The following UGT2B15 variants were observed in gnomAD, a reference collection of about 807,000 sequenced individuals.
The protein encoded by UGT2B15 is UDP glucuronosyltransferase family 2 member B15.
Under a neutral mutation model 45.9 loss-of-function variants are expected in UGT2B15, and 36 were observed. The observed-to-expected ratio is 0.78, with a 90% CI of 0.60 to 1.04. UGT2B15 has a LOEUF of 1.04. UGT2B15 is among the 50% of genes least tolerant of loss of function. The pLI, the probability that UGT2B15 is intolerant of heterozygous loss-of-function variation, is 0.00. For synonymous variants in UGT2B15, 219 were observed against 216.4 expected, an observed-to-expected ratio of 1.01 and a Z score of -0.11; for missense variants, 617 against 622.4, an observed-to-expected ratio of 0.99 and a Z score of 0.09.
chr4:68,655,997 G>A (rs1234477253), intron 3 of UGT2B15, among the ~76,000 whole-genome samples: 1 of 152,020 alleles, frequency 6.6e-6, no homozygotes, highest in African/African-American at 2.4e-5. Flanking sequence ...TAAATTTATG[G>A]CTCAAACAAA....
At chr4:68,651,970 G>A (rs936028399) in intron 5 of UGT2B15, among the ~76,000 whole-genome samples, 4 of 152,030 alleles carry the variant, frequency 2.6e-5, no homozygotes, top group African/African-American at 9.7e-5. Flanking sequence ...GGGCAGCATG[G>A]CCATTTTTAC....
At chr4:68,657,221 G>T (rs1414315863) in intron 3 of UGT2B15, among the ~76,000 whole-genome samples, 1 of 152,142 alleles carries the variant, frequency 6.6e-6, no homozygotes, top group Non-Finnish European at 1.5e-5. Flanking sequence ...AGCAACTGGG[G>T]GCCTTGTGGG....
chr4:68,648,018 A>G (rs1732533855), intron 5 of UGT2B15, among the ~76,000 whole-genome samples: 1 of 152,052 alleles, frequency 6.6e-6, no homozygotes, highest in South Asian at 2.1e-4. Context: ...CACTGTGCCC[A>G]GCCCATTTTG....
At chr4:68,661,684 A>G (rs1334507937) in intron 3 of UGT2B15, among the ~76,000 whole-genome samples, 1 of 152,124 alleles carries the variant, frequency 6.6e-6, no homozygotes, top group Non-Finnish European at 1.5e-5. Context: ...TAGTATGTGT[A>G]ATTTCTTTTC....
In UGT2B15 at chr4:68,670,514, A is replaced by G. The variant is rs751022234; in HGVS notation, c.105T>C (p.His35=). The change falls in exon 1 of 6, where the codon CAT becomes CAC. Residue 35 remains histidine, a synonymous_variant. Transcript: ENST00000338206. ...CCAGGATTGTCTTCATATTTATCCA[A>G]TGGCTGTATTCTGTGGGCCACACTA... ...KVLVWPTEYS[H]WINMKTILEE... is the part of the protein sequence containing the mutation. 66 of 1,613,952 alleles carry G rather than the reference A, an allele frequency of 4.1e-5. No homozygotes were observed. The highest frequency in any genetic ancestry group is 5.3e-5 in the African/African-American group (4 of 75,010).
chr4:68,663,169 A>T (rs1733015867), intron 2 of UGT2B15, 30 bp from the exon 3 acceptor site: 5 of 1,578,254 alleles, frequency 3.2e-6, no homozygotes, highest in Non-Finnish European at 4.3e-6. Flanking sequence ...TCTATCAGAA[A>T]AGAGCAACAG....
At chr4:68,651,737 C>A (rs1228744927) in intron 5 of UGT2B15, among the ~76,000 whole-genome samples, 1 of 152,064 alleles carries the variant, frequency 6.6e-6, no homozygotes, top group African/African-American at 2.4e-5. Context: ...GTCTATATAT[C>A]TGTTTGGTAC....
At chr4:68,660,226 C>T (rs1270450240) in intron 3 of UGT2B15, among the ~76,000 whole-genome samples, 2 of 150,860 alleles carry the variant, frequency 1.3e-5, no homozygotes, top group East Asian at 3.9e-4. Flanking sequence ...ACTTATGGAG[C>T]CAATAAAACC....
Position 68,670,526 on chromosome 4 carries a change from T to C in UGT2B15, c.93A>G (p.Thr31=). Residue 31 remains threonine, a synonymous_variant, in exon 1 of 6, where the codon ACA becomes ACG. Transcript: ENST00000338206. The part of the protein sequence containing the change: ...GSCGKVLVWP[T]EYSHWINMKT... ...TCATATTTATCCAATGGCTGTATTCTGTGGGCCACACTAGCACCTTTCCAC... is the reference window on the plus strand; with the variant it reads ...TCATATTTATCCAATGGCTGTATTCCGTGGGCCACACTAGCACCTTTCCAC... 5.0e-6 allele frequency: 8 copies of C among 1,613,752 alleles called. No homozygotes were observed. The highest frequency in any genetic ancestry group is 6.8e-6 in the Non-Finnish European group (8 of 1,179,918).
chr4:68,656,187 C>T (rs1271704098), intron 3 of UGT2B15, among the ~76,000 whole-genome samples: 2 of 151,970 alleles, frequency 1.3e-5, no homozygotes, highest in African/African-American at 4.8e-5. Flanking sequence ...AGGCAGGTAA[C>T]TCTATGGAGT....
rs772832082 is a variant in UGT2B15, at chr4:68,656,152, G to T, written c.1006-970C>A. 4.6e-5 allele frequency among the ~76,000 whole-genome samples: 7 copies of T among 152,094 alleles called. 1 individual carries two copies. Among genetic ancestry groups the T allele is most frequent in the Non-Finnish European group, 7.4e-5 (5 of 68,002 alleles). On this transcript the variant is annotated intron_variant, in intron 3 of 5. Coordinates refer to ENST00000338206, the MANE Select transcript of UGT2B15 (RefSeq NM_001076.4). Reference sequence around the variant, plus strand: ...TACTTGCTTCCTACAAGAAAGGCAAGATTTCCTGTTTCCATGACAATGGAA... The same window carrying T: ...TACTTGCTTCCTACAAGAAAGGCAATATTTCCTGTTTCCATGACAATGGAA...
Position 68,647,009 on chromosome 4 carries a change from A to T in UGT2B15, c.*95T>A. The T allele has an allele frequency of 1.3e-6, 2 of 1,505,654 alleles. No homozygotes were observed. The highest frequency in any genetic ancestry group is 1.8e-6 in the Non-Finnish European group (2 of 1,125,140). 93.3% of individuals were successfully genotyped at this position (1,505,654 alleles called of 1,614,324 possible). On this transcript the variant is annotated 3_prime_UTR_variant, in exon 6 of 6. Coordinates refer to ENST00000338206, the MANE Select transcript of UGT2B15 (RefSeq NM_001076.4). ...GTAAGTTGTGAAAAGATGTTTTGTCACAGGAAAAAGGAAATCCTCCATTTA... is the reference window on the plus strand; with the variant it reads ...GTAAGTTGTGAAAAGATGTTTTGTCTCAGGAAAAAGGAAATCCTCCATTTA...
Position 68,668,340 on chromosome 4 carries a change from A to G in UGT2B15, c.725-152T>C, listed in dbSNP as rs1238719431. On this transcript the variant is annotated intron_variant, in intron 1 of 5. Coordinates refer to ENST00000338206, the MANE Select transcript of UGT2B15 (RefSeq NM_001076.4). ...ATAAAATATATATAAATACATTTAT[A>G]TATAGTCATAATTTAGATTTTATTT... The G allele has an allele frequency of 1.1e-5, 13 of 1,149,886 alleles. 1 individual carries two copies. Among genetic ancestry groups the G allele is most frequent in the South Asian group, 4.9e-5 (2 of 40,828 alleles). 71.2% of individuals were successfully genotyped at this position (1,149,886 alleles called of 1,614,324 possible). A position where few individuals can be genotyped will look rare whatever the true frequency, so the allele number is the denominator to read the frequency against.
intron 2 of UGT2B15, among the ~76,000 whole-genome samples, chr4:68,666,754 T>TA (rs202047313): frequency 0.034 from 4,118 of 119,874 alleles, 82 homozygotes; most frequent in South Asian, 0.061. Flanking sequence ...ATATATATAT[T>TA]TTTTTTTTTT....
At chr4:68,663,705 A>T (rs1024334698) in intron 2 of UGT2B15, among the ~76,000 whole-genome samples, 13 of 151,920 alleles carry the variant, frequency 8.6e-5, no homozygotes, top group African/African-American at 3.1e-4. Context: ...CTAACCCTTT[A>T]TATTTCACTT....
chr4:68,655,014 A>G, intron 4 of UGT2B15, 81 bp downstream of exon 4: 1 of 1,472,580 alleles, frequency 6.8e-7, no homozygotes, highest in Non-Finnish European at 9.4e-7. Flanking sequence ...TAAATGCTAA[A>G]TATGTTTGTT....
intron 2 of UGT2B15, among the ~76,000 whole-genome samples, chr4:68,664,262 A>C (rs1159609837): frequency 1.6e-5 from 1 of 62,138 alleles, no homozygotes; most frequent in African/African-American, 4.3e-5. Flanking sequence ...ATGTATTCTC[A>C]CACCAAAAAA....
chr4:68,650,452 T>C (rs1401561818), intron 5 of UGT2B15, among the ~76,000 whole-genome samples: 1 of 152,142 alleles, frequency 6.6e-6, no homozygotes, highest in Non-Finnish European at 1.5e-5. Flanking sequence ...TTGCATTTCA[T>C]CCGTGTCCCT....
intron 2 of UGT2B15, among the ~76,000 whole-genome samples, 173 bp downstream of exon 2, chr4:68,667,867 T>C (rs941752765): frequency 6.6e-6 from 1 of 152,222 alleles, no homozygotes; most frequent in African/African-American, 2.4e-5. Flanking sequence ...TCTTTAATGA[T>C]AATAACATTC....
Sources: gnomAD v4.1 joint callset for allele counts (sites outside exome capture counted in the v4.1 genomes callset) on GRCh38, gnomAD v4.1.1 for gene constraint, MANE v1.5 for transcripts, NCBI Gene and HGNC (gene_info 2026-07-23, HGNC 2026-07-21) for gene names.